Variants in PAMR1 observed in about 807,000 individuals in gnomAD.
PAMR1 encodes the protein inactive serine protease PAMR1.
PAMR1 carries 88 observed loss-of-function variants against 81.8 expected under a neutral mutation model. That is an observed-to-expected ratio of 1.08 (90% confidence interval 0.91 to 1.28). The LOEUF (loss-of-function observed/expected upper bound fraction) is 1.28, where lower values mean the gene tolerates loss of function less well. PAMR1 is among the 50% of genes most tolerant of loss of function. The pLI is 0.00. For missense variants in PAMR1, 935 were observed against 919.7 expected, an observed-to-expected ratio of 1.02 and a Z score of -0.21; for synonymous variants, 336 against 345.3, an observed-to-expected ratio of 0.97 and a Z score of 0.30.
intron 6 of PAMR1, among the ~76,000 whole-genome samples, chr11:35,459,099 GCA>G (rs1179488655): frequency 9.2e-5 from 14 of 152,240 alleles, no homozygotes; most frequent in African/African-American, 3.1e-4. Flanking sequence ...TGCTTGGATT[GCA>G]CACACTGTTA....
At chr11:35,461,545 C>G (rs1177577465) in intron 6 of PAMR1, among the ~76,000 whole-genome samples, 1 of 152,016 alleles carries the variant, frequency 6.6e-6, no homozygotes, top group Non-Finnish European at 1.5e-5. Flanking sequence ...GTCACTTGGG[C>G]TAGGTAGACC....
In PAMR1 at chr11:35,481,182, C is replaced by T. The variant is rs571260237; in HGVS notation, c.380-6438G>A. On this transcript the variant is annotated intron_variant, in intron 3 of 10. Coordinates refer to ENST00000619888, the MANE Select transcript of PAMR1 (RefSeq NM_001001991.3). ...AACAAACATACATGTGCATATGTCT[C>T]TATAGTAGAAAGATTCATATTCCTT... Among the ~76,000 whole-genome samples the T allele has an allele frequency of 3.3e-5, 5 of 152,256 alleles. No individual in the cohort carries two copies. In the East Asian group the frequency reaches 9.6e-4, roughly 29 times the overall value.
At chr11:35,445,705 T>C (rs1489755279) in intron 6 of PAMR1, among the ~76,000 whole-genome samples, 1 of 152,226 alleles carries the variant, frequency 6.6e-6, no homozygotes, top group African/African-American at 2.4e-5. Flanking sequence ...GTGGATAAGC[T>C]TTTTGATGTG....
At position 35,441,668 on chromosome 11, in the gene PAMR1, G is replaced by A. The variant is rs1435674099; in HGVS notation, c.846C>T (p.Asp282=). Residue 282 remains aspartate (D), a synonymous_variant, in exon 7 of 11, where the codon GAC becomes GAT. Transcript: ENST00000619888. ...ENLLEERNCS[D]PGGPVNGYQK... The stretch of plus-strand genomic sequence containing the variant: ...GGTACCCATTGACTGGGCCCCCAGG[G>A]TCTGAGCAGTTTCTTTCTTCAAGGA... The A allele has an allele frequency of 1.2e-6, 2 of 1,612,710 alleles. No individual in the cohort carries two copies. Among genetic ancestry groups the A allele is most frequent in the African/African-American group, 1.3e-5 (1 of 74,916 alleles).
At chr11:35,461,956 C>T (rs1856664005) in intron 6 of PAMR1, among the ~76,000 whole-genome samples, 1 of 152,120 alleles carries the variant, frequency 6.6e-6, no homozygotes. Context: ...CCCTTCATAC[C>T]CTCTCAAGAC....
intron 3 of PAMR1, among the ~76,000 whole-genome samples, chr11:35,483,967 T>A (rs972048620): frequency 2.0e-5 from 3 of 152,212 alleles, no homozygotes; most frequent in Non-Finnish European, 4.4e-5. Context: ...CCTTAAAGGC[T>A]TCTCTTTTAT....
intron 3 of PAMR1, 108 bp downstream of exon 3, chr11:35,491,937 G>T (rs764977213): frequency 9.1e-5 from 91 of 998,696 alleles, no homozygotes; most frequent in Non-Finnish European, 1.3e-4. Context: ...CCCTCTGGCT[G>T]CAGGCTTTCC....
chr11:35,508,632 C>T (rs567136842), intron 1 of PAMR1, among the ~76,000 whole-genome samples: 2 of 149,370 alleles, frequency 1.3e-5, no homozygotes, highest in Admixed American at 1.3e-4. Context: ...ATTATTTCAT[C>T]ACCCAGGTAA....
intron 1 of PAMR1, among the ~76,000 whole-genome samples, chr11:35,523,502 T>A (rs148449805): frequency 3.3e-5 from 5 of 152,350 alleles, no homozygotes; most frequent in African/African-American, 1.2e-4. Flanking sequence ...CTTGGCCTCA[T>A]GTTTGGATTC....
intron 6 of PAMR1, among the ~76,000 whole-genome samples, chr11:35,466,187 C>T (rs991830481): frequency 3.3e-5 from 5 of 152,084 alleles, no homozygotes; most frequent in African/African-American, 1.2e-4. Context: ...AATCTAGAAT[C>T]GCTCTACATA....
chr11:35,466,099 T>A (rs1018525718), intron 6 of PAMR1, among the ~76,000 whole-genome samples: 2 of 152,138 alleles, frequency 1.3e-5, no homozygotes, highest in African/African-American at 4.8e-5. Context: ...CAAAGTATTG[T>A]GTAATTCGTT....
intron 6 of PAMR1, among the ~76,000 whole-genome samples, chr11:35,454,506 C>G (rs906896326): frequency 1.3e-5 from 2 of 152,140 alleles, no homozygotes; most frequent in African/African-American, 4.8e-5. Context: ...TCTTGCTTCC[C>G]CAGCTCTGTT....
intron 3 of PAMR1, among the ~76,000 whole-genome samples, chr11:35,480,859 C>T (rs1388485481): frequency 6.6e-6 from 1 of 152,128 alleles, no homozygotes; most frequent in Non-Finnish European, 1.5e-5. Flanking sequence ...CCCCTCACTC[C>T]CCAGGCCCTG....
chr11:35,495,118 C>T (rs776150595), intron 1 of PAMR1, among the ~76,000 whole-genome samples: 2 of 152,222 alleles, frequency 1.3e-5, no homozygotes, highest in Non-Finnish European at 1.5e-5. Context: ...CATTCAAGTG[C>T]AAGGCCAATT....
At chr11:35,438,357 G>C (rs558833689) in intron 8 of PAMR1, among the ~76,000 whole-genome samples, 27 of 152,312 alleles carry the variant, frequency 1.8e-4, no homozygotes, top group African/African-American at 6.3e-4. Context: ...ACTCAGAAGA[G>C]CAACCGACAC....
intron 1 of PAMR1, among the ~76,000 whole-genome samples, chr11:35,504,905 T>C (rs961016001): frequency 5.1e-5 from 6 of 118,224 alleles, no homozygotes; most frequent in African/African-American, 2.0e-4. Flanking sequence ...TCTACTTACT[T>C]TGGGTTTTTT....
At chr11:35,509,846 A>G (rs1851040736) in intron 1 of PAMR1, among the ~76,000 whole-genome samples, 1 of 152,212 alleles carries the variant, frequency 6.6e-6, no homozygotes, top group South Asian at 2.1e-4. Context: ...TTTGCCAGCT[A>G]CTGGAATTGA....
chr11:35,516,769 G>A (rs1851171791), intron 1 of PAMR1, among the ~76,000 whole-genome samples: 1 of 152,178 alleles, frequency 6.6e-6, no homozygotes, highest in Non-Finnish European at 1.5e-5. Flanking sequence ...TACCAGAACT[G>A]ACAAACACAA....
intron 1 of PAMR1, among the ~76,000 whole-genome samples, chr11:35,512,659 C>T (rs1484386311): frequency 2.0e-5 from 3 of 152,070 alleles, no homozygotes; most frequent in African/African-American, 4.8e-5. Flanking sequence ...AATAATAGTA[C>T]TTCTTCATGG....
Sources: gnomAD v4.1 joint callset for allele counts (sites outside exome capture counted in the v4.1 genomes callset) on GRCh38, gnomAD v4.1.1 for gene constraint, MANE v1.5 for transcripts, NCBI Gene and HGNC (gene_info 2026-07-23, HGNC 2026-07-21) for gene names.